The following RREB1 variants were observed in gnomAD, a reference collection of about 807,000 sequenced individuals.
RREB1 encodes ras responsive element binding protein 1.
Under a neutral mutation model 117.8 loss-of-function variants are expected in RREB1, and 27 were observed. The ratio of observed to expected loss-of-function variants is 0.23; its 90% CI spans 0.17 to 0.32. RREB1 has a LOEUF of 0.32. RREB1 is among the 10% of genes least tolerant of loss of function. The probability of loss-of-function intolerance (pLI) is 1.00; values close to 1 mark genes in which losing one functional copy is unlikely to be tolerated. For missense variants in RREB1, 2,577 were observed against 2,378.2 expected (o/e 1.08, Z -1.74); for synonymous variants, 1,298 against 1,026.7 (o/e 1.26, Z -5.05).
intron 6 of RREB1, among the ~76,000 whole-genome samples, chr6:7,196,177 G>A (rs1278300517): frequency 6.6e-6 from 1 of 151,634 alleles, no homozygotes; most frequent in Non-Finnish European, 1.5e-5. Context: ...GGCAGATCTG[G>A]GCTCCACCCC....
In RREB1 at chr6:7,231,751, C is replaced by T. The variant is rs780173438; in HGVS notation, c.3652C>T (p.Pro1218Ser). 14 of 1,613,774 alleles carry T rather than the reference C, an allele frequency of 8.7e-6. No individual in the cohort carries two copies. Among genetic ancestry groups the T allele is most frequent in the East Asian group, 2.2e-5 (1 of 44,892 alleles). Residue 1218 changes from proline (P) to serine (S), a missense_variant, in exon 10 of 13, where the codon CCC becomes TCC. Coordinates refer to ENST00000379938, the MANE Select transcript of RREB1 (RefSeq NM_001003699.4). ...CGGAGCCCCTGCCGACCACCATGGG[C>T]CCAGTGATGAAGAGCAGGGCAGTCC... ...VAGAPADHHG[P>S]SDEEQGSPPE...
At chr6:7,214,824 A>G (rs1257162334) in intron 8 of RREB1, 1 of 152,328 alleles carries the variant, frequency 6.6e-6, no homozygotes, top group Non-Finnish European at 1.5e-5. Context: ...CTCCCCACCA[A>G]CACTGGCAAG....
chr6:7,207,845 G>A (rs541794282), intron 6 of RREB1, among the ~76,000 whole-genome samples: 1 of 152,332 alleles, frequency 6.6e-6, no homozygotes, highest in Non-Finnish European at 1.5e-5. Context: ...ATGGACTGAT[G>A]TTATAACACA....
chr6:7,124,320 G>A (rs1008677522), intron 1 of RREB1, among the ~76,000 whole-genome samples: 2 of 152,020 alleles, frequency 1.3e-5, no homozygotes, highest in South Asian at 2.1e-4. Flanking sequence ...TTGGGGAGGC[G>A]GTGTGGTTAG....
At chr6:7,164,578 C>G (rs1047225597) in intron 1 of RREB1, among the ~76,000 whole-genome samples, 65 of 152,140 alleles carry the variant, frequency 4.3e-4, no homozygotes, top group Non-Finnish European at 2.9e-4. Flanking sequence ...TCAGGTCATC[C>G]CATCCCATAA....
At chr6:7,234,420 CTTT>C (rs899512491) in intron 10 of RREB1, among the ~76,000 whole-genome samples, 3 of 152,066 alleles carry the variant, frequency 2.0e-5, no homozygotes, top group African/African-American at 4.8e-5. Flanking sequence ...CTAGTATTTT[CTTT>C]TTTAAGAGTT....
At chr6:7,167,613 G>A (rs1458601410) in intron 1 of RREB1, among the ~76,000 whole-genome samples, 1 of 152,088 alleles carries the variant, frequency 6.6e-6, no homozygotes, top group African/African-American at 2.4e-5. Context: ...CCTCAGGCGT[G>A]AGCCACCGCT....
intron 1 of RREB1, among the ~76,000 whole-genome samples, chr6:7,146,769 T>C (rs1019951243): frequency 6.6e-6 from 1 of 151,614 alleles, no homozygotes; most frequent in Non-Finnish European, 1.5e-5. Context: ...TTCTTTCTTT[T>C]TTTTTTTTTG....
chr6:7,122,511 C>T (rs1404069921), intron 1 of RREB1, among the ~76,000 whole-genome samples: 1 of 152,186 alleles, frequency 6.6e-6, no homozygotes, highest in Non-Finnish European at 1.5e-5. Flanking sequence ...AGTGATCCTC[C>T]TGCTTTGGCC....
In RREB1 at chr6:7,222,050, G is replaced by A. The variant is rs552081075; in HGVS notation, c.708-4417G>A. On this transcript the variant is annotated intron_variant, in intron 8 of 12. Transcript: ENST00000379938. ...ATGAGAAGGGAAACTGAGGTGTGAA[G>A]AAGGAAAGGAACAGGAGAGAAGTGA... Among the ~76,000 whole-genome samples, 5 of 152,296 alleles carry A rather than the reference G, an allele frequency of 3.3e-5. No homozygotes were observed. In the East Asian group the frequency reaches 7.7e-4, roughly 23 times the overall value.
intron 6 of RREB1, among the ~76,000 whole-genome samples, chr6:7,207,916 A>T (rs1162168328): frequency 6.6e-6 from 1 of 152,212 alleles, no homozygotes; most frequent in Admixed American, 6.5e-5. Flanking sequence ...GATGGTTTTA[A>T]CAATTAGAAC....
chr6:7,233,234 T>C (rs533545067), intron 10 of RREB1, among the ~76,000 whole-genome samples: 1 of 152,354 alleles, frequency 6.6e-6, no homozygotes, highest in Admixed American at 6.5e-5. Flanking sequence ...TTCTAGAAGC[T>C]GATTTTTAAA....
intron 1 of RREB1, among the ~76,000 whole-genome samples, chr6:7,117,776 T>C (rs1298928250): frequency 6.6e-6 from 1 of 152,086 alleles, no homozygotes; most frequent in African/African-American, 2.4e-5. Context: ...TCTATGTTGC[T>C]CATGCTGGTC....
chr6:7,196,558 A>G (rs946994141), intron 6 of RREB1, among the ~76,000 whole-genome samples: 2 of 152,160 alleles, frequency 1.3e-5, no homozygotes, highest in Non-Finnish European at 2.9e-5. Flanking sequence ...TGTAGCACTG[A>G]TAAAGCCTAT....
At chr6:7,246,153 G>A (rs529649822) in intron 11 of RREB1, among the ~76,000 whole-genome samples, 21 of 152,352 alleles carry the variant, frequency 1.4e-4, no homozygotes, top group Non-Finnish European at 3.1e-4. Context: ...GGGGGCGGGG[G>A]CAGTGGAAGC....
chr6:7,181,458 C>T (rs945347199), intron 3 of RREB1: 1 of 416,042 alleles, frequency 2.4e-6, no homozygotes, highest in Non-Finnish European at 4.2e-6. Context: ...CCTGATGTTT[C>T]TCATCACTAG....
chr6:7,230,842 G>A lies in RREB1; in HGVS notation c.2743G>A (p.Glu915Lys). ...CCTGGCCCTGGTCCAAGTGAAGCAG[G>A]AAAACATCTCCTTTCTGAGCCCTTC... ...KGLALVQVKQ[E>K]NISFLSPSSL... The change falls in exon 10 of 13, where the codon GAA becomes AAA. Residue 915 changes from glutamate to lysine, a missense_variant. Coordinates refer to ENST00000379938, the MANE Select transcript of RREB1 (RefSeq NM_001003699.4). 1 of 1,614,234 alleles carries A rather than the reference G, an allele frequency of 6.2e-7. No individual in the cohort carries two copies. Among genetic ancestry groups the A allele is most frequent in the South Asian group, 1.1e-5 (1 of 91,090 alleles).
At chr6:7,193,275 TC>T (rs1765503818) in intron 6 of RREB1, among the ~76,000 whole-genome samples, 1 of 152,232 alleles carries the variant, frequency 6.6e-6, no homozygotes, top group Admixed American at 6.5e-5. Context: ...TGGAGAGTGT[TC>T]CATCTGTTTG....
At position 7,249,264 on chromosome 6, in the gene RREB1, ATAT is replaced by A. The variant is rs1476418867; in HGVS notation, c.*300_*302del. 5.2e-6 allele frequency: 2 copies of A among 383,846 alleles called. No homozygotes were observed. The highest frequency in any genetic ancestry group is 2.1e-5 in the African/African-American group (1 of 48,668). The allele number at this position is 383,846 out of a possible 1,614,324, so 23.8% of individuals were successfully genotyped here. On this transcript the variant is annotated 3_prime_UTR_variant, in exon 13 of 13. Transcript: ENST00000379938. ...CAAAATGACTTCTTAAACAAAACAAATATTATAATGAATTGTCTGGAGAGGACC... is the reference window on the plus strand; with the variant it reads ...CAAAATGACTTCTTAAACAAAACAAATATAATGAATTGTCTGGAGAGGACC...
Sources: gnomAD v4.1 joint callset for allele counts (sites outside exome capture counted in the v4.1 genomes callset) on GRCh38, gnomAD v4.1.1 for gene constraint, MANE v1.5 for transcripts, NCBI Gene and HGNC (gene_info 2026-07-23, HGNC 2026-07-21) for gene names.